PLXDC2: variants seen among roughly 807,000 people sequenced by gnomAD.
PLXDC2 encodes plexin domain-containing protein 2.
In PLXDC2, 40 loss-of-function variants were observed where a neutral mutation model predicts 68.9. The observed-to-expected ratio is 0.58, with a 90% CI of 0.45 to 0.76. The LOEUF is 0.76. Ranked by LOEUF, PLXDC2 falls within the 30% of genes least tolerant of loss-of-function variation. PLXDC2 has a pLI of 0.00. For missense variants in PLXDC2, 644 were observed against 661.9 expected (o/e 0.97, Z 0.30); for synonymous variants, 243 against 234.2 (o/e 1.04, Z -0.34).
chr10:20,158,104 T>C (rs1359697741), intron 6 of PLXDC2, among the ~76,000 whole-genome samples: 1 of 152,150 alleles, frequency 6.6e-6, no homozygotes, highest in Non-Finnish European at 1.5e-5. Flanking sequence ...TTTTATTATT[T>C]CAGTTTGGCT....
intron 1 of PLXDC2, among the ~76,000 whole-genome samples, chr10:19,834,836 A>T (rs1836761782): frequency 6.6e-6 from 1 of 152,206 alleles, no homozygotes; most frequent in Non-Finnish European, 1.5e-5. Flanking sequence ...GGTAGAGGTT[A>T]CCATGAAGTA....
chr10:20,269,928 G>A (rs1321509805), intron 13 of PLXDC2, among the ~76,000 whole-genome samples: 1 of 152,050 alleles, frequency 6.6e-6, no homozygotes, highest in Non-Finnish European at 1.5e-5. Flanking sequence ...TGAGGCAGGA[G>A]AATCTCTTGA....
intron 12 of PLXDC2, among the ~76,000 whole-genome samples, chr10:20,233,047 A>G (rs1835386025): frequency 1.3e-5 from 2 of 152,162 alleles, no homozygotes; most frequent in African/African-American, 4.8e-5. Flanking sequence ...TCCTTGGTGA[A>G]CCAGCATCTC....
At chr10:20,074,518 T>TTC (rs1201542237) in intron 4 of PLXDC2, among the ~76,000 whole-genome samples, 1 of 152,132 alleles carries the variant, frequency 6.6e-6, no homozygotes, top group African/African-American at 2.4e-5. Flanking sequence ...TTAGCTTTTT[T>TTC]TCTGTTTAAA....
chr10:20,127,578 A>G (rs1326474558), intron 4 of PLXDC2, among the ~76,000 whole-genome samples: 1 of 152,160 alleles, frequency 6.6e-6, no homozygotes, highest in Non-Finnish European at 1.5e-5. Flanking sequence ...GATGATGTAG[A>G]AAGAAGGACT....
chr10:19,861,161 A>C (rs1837313861), intron 1 of PLXDC2, among the ~76,000 whole-genome samples: 1 of 151,700 alleles, frequency 6.6e-6, no homozygotes, highest in Admixed American at 6.6e-5. Context: ...CAGCCTCCCA[A>C]GTAGCTGAGG....
intron 4 of PLXDC2, among the ~76,000 whole-genome samples, chr10:20,125,819 T>G (rs1034904002): frequency 3.3e-5 from 5 of 152,042 alleles, no homozygotes; most frequent in Non-Finnish European, 7.4e-5. Context: ...TAGAGGAGAT[T>G]GCAACTCAAC....
At chr10:19,987,869 A>G (rs1451070444) in intron 1 of PLXDC2, among the ~76,000 whole-genome samples, 1 of 152,058 alleles carries the variant, frequency 6.6e-6, no homozygotes, top group Non-Finnish European at 1.5e-5. Context: ...CGCCCAGCCG[A>G]TGTTATTTGT....
chr10:19,834,220 CT>C (rs1452311851), intron 1 of PLXDC2, among the ~76,000 whole-genome samples: 2 of 151,898 alleles, frequency 1.3e-5, no homozygotes, highest in Non-Finnish European at 2.9e-5. Flanking sequence ...AACAGGTGTG[CT>C]AAAAAGACAG....
rs751375187 is a variant in PLXDC2 at position 20,279,990 on chromosome 10, C to CA, written c.*177dup. ...CTCAGCCCAGGAAACAAAGGGTAAA[C>CA]AAAAAACTAAAACTTATACAAGATA... On this transcript the variant is annotated 3_prime_UTR_variant, in exon 14 of 14. Transcript: ENST00000377252. 54 of 583,392 alleles carry CA rather than the reference C, an allele frequency of 9.3e-5. No individual in the cohort carries two copies. Among genetic ancestry groups the CA allele is most frequent in the Non-Finnish European group, 1.5e-4 (48 of 329,500 alleles). The allele number at this position is 583,392 out of a possible 1,614,324, so 36.1% of individuals were successfully genotyped here. A position where few individuals can be genotyped will look rare whatever the true frequency, so the allele number is the denominator to read the frequency against.
Position 20,256,131 on chromosome 10 carries a change from T to C in PLXDC2, c.1473+10626T>C, listed in dbSNP as rs1588546667. ...TCAACTTTTTTTTTGTTTTTGTTTT[T>C]ATTTATTTATTTATTTTTTGAGACA... is the stretch of plus-strand genomic sequence containing the variant. On this transcript the variant is annotated intron_variant, in intron 13 of 13. Coordinates refer to ENST00000377252, the MANE Select transcript of PLXDC2 (RefSeq NM_032812.9). 2.0e-5 allele frequency among the ~76,000 whole-genome samples: 3 copies of C among 152,018 alleles called. No homozygotes were observed. In the South Asian group the frequency reaches 6.2e-4, roughly 32 times the overall value.
At chr10:19,873,608 G>A (rs541447267) in intron 1 of PLXDC2, among the ~76,000 whole-genome samples, 1 of 152,056 alleles carries the variant, frequency 6.6e-6, no homozygotes, top group East Asian at 1.9e-4. Context: ...CTTTAATCCA[G>A]TGTTTGTCAA....
At chr10:19,824,225 A>G (rs1305457230) in intron 1 of PLXDC2, among the ~76,000 whole-genome samples, 1 of 152,126 alleles carries the variant, frequency 6.6e-6, no homozygotes, top group African/African-American at 2.4e-5. Context: ...TATAAATAGT[A>G]CCTAGGAGTT....
chr10:20,271,270 C>T (rs982209108), intron 13 of PLXDC2, among the ~76,000 whole-genome samples: 2 of 152,030 alleles, frequency 1.3e-5, no homozygotes, highest in African/African-American at 4.8e-5. Context: ...AGAGGAGTCA[C>T]AGAAGATGTT....
intron 13 of PLXDC2, among the ~76,000 whole-genome samples, chr10:20,259,888 G>T (rs1437217990): frequency 6.6e-6 from 1 of 152,108 alleles, no homozygotes; most frequent in South Asian, 2.1e-4. Flanking sequence ...AAAATCCTGG[G>T]AGTAAAATGA....
intron 3 of PLXDC2, among the ~76,000 whole-genome samples, chr10:20,056,168 G>A (rs1835994795): frequency 6.6e-6 from 1 of 152,044 alleles, no homozygotes; most frequent in African/African-American, 2.4e-5. Context: ...AGATTTTATG[G>A]CACTTTATAG....
At chr10:20,083,508 G>A (rs1368789179) in intron 4 of PLXDC2, among the ~76,000 whole-genome samples, 1 of 151,158 alleles carries the variant, frequency 6.6e-6, no homozygotes, top group Non-Finnish European at 1.5e-5. Flanking sequence ...CTATGTGCAT[G>A]TATTACTTTT....
chr10:19,942,856 G>T (rs1054569509), intron 1 of PLXDC2, among the ~76,000 whole-genome samples: 4 of 152,056 alleles, frequency 2.6e-5, no homozygotes, highest in Non-Finnish European at 5.9e-5. Flanking sequence ...TCTACTTTCT[G>T]GTGTATATTA....
chr10:19,894,762 T>A (rs1218943311), intron 1 of PLXDC2, among the ~76,000 whole-genome samples: 1 of 152,116 alleles, frequency 6.6e-6, no homozygotes, highest in Non-Finnish European at 1.5e-5. Context: ...ATGGAGATCA[T>A]TAAAAAGTCA....
Sources: allele counts gnomAD v4.1 joint callset (sites outside exome capture counted in the v4.1 genomes callset), GRCh38; gene constraint gnomAD v4.1.1; transcripts MANE v1.5; gene names NCBI Gene and HGNC (gene_info 2026-07-23, HGNC 2026-07-21).